TBC1D5: variants seen among roughly 807,000 people sequenced by gnomAD.
The protein encoded by TBC1D5 is TBC1 domain family, member 5.
TBC1D5 carries 75 observed loss-of-function variants against 100.3 expected under a neutral mutation model. The observed-to-expected ratio is 0.75, with a 90% CI of 0.62 to 0.91. The LOEUF is 0.91. TBC1D5 is among the 40% of genes least tolerant of loss of function. The probability of loss-of-function intolerance (pLI) is 0.00; values close to 1 mark genes in which losing one functional copy is unlikely to be tolerated. For synonymous variants in TBC1D5, 323 were observed against 325.6 expected, an observed-to-expected ratio of 0.99 and a Z score of 0.09; for missense variants, 910 against 942.4, an observed-to-expected ratio of 0.97 and a Z score of 0.45.
intron 13 of TBC1D5, among the ~76,000 whole-genome samples, chr3:17,370,534 TCA>T (rs2092400000): frequency 6.6e-6 from 1 of 152,186 alleles, no homozygotes; most frequent in Non-Finnish European, 1.5e-5. Flanking sequence ...ATACCACATG[TCA>T]CACACAATTT....
intron 8 of TBC1D5, among the ~76,000 whole-genome samples, chr3:17,389,638 C>A (rs1345271394): frequency 6.6e-6 from 1 of 152,112 alleles, no homozygotes; most frequent in Non-Finnish European, 1.5e-5. Context: ...TGATTCCAGA[C>A]CCTGGACTTC....
chr3:17,597,683 A>G (rs1047281805), intron 2 of TBC1D5, among the ~76,000 whole-genome samples: 8 of 152,220 alleles, frequency 5.3e-5, no homozygotes, highest in Non-Finnish European at 8.8e-5. Context: ...TAATTAAAAC[A>G]TAACTTCCAA....
chr3:17,408,772 G>A (rs1445434471), intron 4 of TBC1D5, among the ~76,000 whole-genome samples: 1 of 152,026 alleles, frequency 6.6e-6, no homozygotes, highest in Non-Finnish European at 1.5e-5. Context: ...ATACATTGAA[G>A]CTTTTTAAAT....
At chr3:17,619,386 A>G (rs1026188866) in intron 2 of TBC1D5, among the ~76,000 whole-genome samples, 3 of 152,254 alleles carry the variant, frequency 2.0e-5, no homozygotes, top group Non-Finnish European at 4.4e-5. Context: ...CAAAGCTGCT[A>G]TAATGAAAAC....
chr3:17,572,805 C>T (rs1250403437), intron 2 of TBC1D5, among the ~76,000 whole-genome samples: 29 of 151,676 alleles, frequency 1.9e-4, no homozygotes, highest in Admixed American at 1.8e-3. Context: ...CTGTTTCCTT[C>T]CTTCATCTCT....
intron 2 of TBC1D5, among the ~76,000 whole-genome samples, chr3:17,609,102 G>T (rs2061513643): frequency 6.6e-6 from 1 of 152,118 alleles, no homozygotes; most frequent in Admixed American, 6.5e-5. Flanking sequence ...ATTCAAAAGG[G>T]CCTAATTACC....
chr3:17,314,214 T>C (rs2084388312), intron 13 of TBC1D5, among the ~76,000 whole-genome samples: 1 of 152,164 alleles, frequency 6.6e-6, no homozygotes, highest in South Asian at 2.1e-4. Context: ...TAGGGGTTAT[T>C]TGGTATGAGG....
At chr3:17,679,390 C>T (rs1261888593) in intron 1 of TBC1D5, among the ~76,000 whole-genome samples, 1 of 151,372 alleles carries the variant, frequency 6.6e-6, no homozygotes, top group African/African-American at 2.5e-5. Flanking sequence ...TTTTAATACA[C>T]AATTTTAACG....
intron 1 of TBC1D5, among the ~76,000 whole-genome samples, chr3:17,632,286 T>C (rs1370316333): frequency 6.6e-6 from 1 of 152,172 alleles, no homozygotes; most frequent in African/African-American, 2.4e-5. Context: ...AAGACTTTAA[T>C]TGCTGAAATT....
chr3:17,275,310 G>A (rs2079860881), intron 15 of TBC1D5, among the ~76,000 whole-genome samples: 1 of 152,132 alleles, frequency 6.6e-6, no homozygotes, highest in Non-Finnish European at 1.5e-5. Flanking sequence ...GGGAGGCTGA[G>A]GCAGAAAGAT....
At chr3:17,503,702 C>T (rs1168279253) in intron 3 of TBC1D5, among the ~76,000 whole-genome samples, 1 of 149,854 alleles carries the variant, frequency 6.7e-6, no homozygotes, top group African/African-American at 2.5e-5. Context: ...AAAATGTTCA[C>T]TAAGAATTAT....
intron 3 of TBC1D5, among the ~76,000 whole-genome samples, chr3:17,505,633 A>G (rs1272864002): frequency 6.6e-6 from 1 of 152,198 alleles, no homozygotes; most frequent in Admixed American, 6.5e-5. Context: ...TAGGTTTGCT[A>G]TACCTGAATT....
chr3:17,624,061 AT>A (rs2062877565), intron 1 of TBC1D5, 148 bp from the exon 2 acceptor site: 1 of 152,226 alleles, frequency 6.6e-6, no homozygotes, highest in African/African-American at 2.4e-5. Flanking sequence ...TCTAGAACGT[AT>A]TTTGTGTAAC....
intron 13 of TBC1D5, among the ~76,000 whole-genome samples, chr3:17,333,985 A>G (rs1045128134): frequency 6.6e-6 from 1 of 152,104 alleles, no homozygotes; most frequent in East Asian, 1.9e-4. Context: ...ATGATAAAGC[A>G]TGGAACAAGT....
At chr3:17,184,518 G>T (rs1482296700) in intron 19 of TBC1D5, 2 of 152,138 alleles carry the variant, frequency 1.3e-5, no homozygotes, top group African/African-American at 2.4e-5. Flanking sequence ...TGCTTTTAAA[G>T]AATTTTTTAT....
chr3:17,425,095 T>G (rs560683605), intron 4 of TBC1D5, among the ~76,000 whole-genome samples: 413 of 152,332 alleles, frequency 2.7e-3, no homozygotes, highest in Non-Finnish European at 5.4e-3. Flanking sequence ...TGTAACAATT[T>G]CTGCAATACC....
chr3:17,433,606 AAT>A (rs1459053870), intron 3 of TBC1D5, among the ~76,000 whole-genome samples: 1 of 152,164 alleles, frequency 6.6e-6, no homozygotes, highest in East Asian at 1.9e-4. Flanking sequence ...CCTATATTTC[AAT>A]ATGAGATTTG....
At chr3:17,504,053 G>T (rs1008995868) in intron 3 of TBC1D5, among the ~76,000 whole-genome samples, 6 of 148,726 alleles carry the variant, frequency 4.0e-5, no homozygotes, top group Non-Finnish European at 1.5e-5. Context: ...AACCCTAAAA[G>T]GAGAAAAATT....
chr3:17,514,461 G>C (rs1265793066), intron 2 of TBC1D5, among the ~76,000 whole-genome samples: 1 of 152,056 alleles, frequency 6.6e-6, no homozygotes, highest in Non-Finnish European at 1.5e-5. Context: ...ACTACAATAA[G>C]GGTCAACATA....
Sources: gnomAD v4.1 joint callset for allele counts (sites outside exome capture counted in the v4.1 genomes callset) on GRCh38, gnomAD v4.1.1 for gene constraint, MANE v1.5 for transcripts, NCBI Gene and HGNC (gene_info 2026-07-23, HGNC 2026-07-21) for gene names.